The following FDPS variants were observed in gnomAD, a reference collection of about 807,000 sequenced individuals.
FDPS encodes farnesyl pyrophosphate synthase.
A neutral mutation model predicts 49.5 loss-of-function variants in FDPS; 29 were observed. The observed-to-expected ratio is 0.59, with a 90% confidence interval of 0.44 to 0.80. FDPS has a LOEUF of 0.80. FDPS is among the 30% of genes least tolerant of loss of function. The pLI, the probability that FDPS is intolerant of heterozygous loss-of-function variation, is 0.00. For missense variants in FDPS, 414 were observed against 525.6 expected (o/e 0.79, Z 2.08); for synonymous variants, 172 against 206.4 (o/e 0.83, Z 1.43).
chr1:155,313,530 T>C (rs1250524945), intron 4 of FDPS, among the ~76,000 whole-genome samples: 1 of 152,114 alleles, frequency 6.6e-6, no homozygotes, highest in East Asian at 1.9e-4. Flanking sequence ...GTTCTTGGTA[T>C]GGGTGGAGCA....
In FDPS at chr1:155,318,966, G is replaced by A; in HGVS notation, c.846+38G>A. 1 of 1,469,494 alleles carries A rather than the reference G, an allele frequency of 6.8e-7. No homozygotes were observed. The highest frequency in any genetic ancestry group is 9.5e-7 in the Non-Finnish European group (1 of 1,049,658). 91.0% of individuals were successfully genotyped at this position (1,469,494 alleles called of 1,614,324 possible). On this transcript the variant is annotated intron_variant, in intron 8 of 10. Transcript: ENST00000368356. This position sits in a 1 kb window ranked among gnomAD's most constrained non-coding sequence, Gnocchi z 4.2. The stretch of plus-strand genomic sequence containing the variant: ...CCTCACCCCTCTCTGCTCTGCTGAT[G>A]GGGGCTTTTGGACAGCAAGGCATAG...
Position 155,320,526 on chromosome 1 carries a change from G to A in FDPS, c.1177G>A (p.Ala393Thr), listed in dbSNP as rs767773031. The change falls in exon 11 of 11, where the codon GCT (alanine) becomes ACT (threonine). Residue 393 changes from alanine to threonine, a missense_variant. Ala to Thr is a moderately conservative substitution (Grantham distance 58, BLOSUM62 0). Coordinates refer to ENST00000368356, the MANE Select transcript of FDPS (RefSeq NM_002004.4). ...GGAAGACAGTTACAGCCACATTATG[G>A]CTCTCATTGAACAGTACGCAGCACC... is the stretch of plus-strand genomic sequence containing the variant. ...YEEDSYSHIM[A>T]LIEQYAAPLP... 6.2e-7 allele frequency: 1 copy of A among 1,614,134 alleles called. No individual in the cohort carries two copies. The highest frequency in any genetic ancestry group is 1.3e-5 in the African/African-American group (1 of 75,042).
chr1:155,319,866 T>G lies in FDPS; in HGVS notation c.997T>G (p.Cys333Gly). The G allele has an allele frequency of 6.2e-7, 1 of 1,614,080 alleles. No individual in the cohort carries two copies. The highest frequency in any genetic ancestry group is 8.5e-7 in the Non-Finnish European group (1 of 1,180,012). Residue 333 changes from cysteine to glycine, a missense_variant, in exon 10 of 11, where the codon TGC (cysteine) becomes GGC (glycine). Physicochemically the swap from Cys to Gly is radical, Grantham distance 159 (BLOSUM62 -3). Coordinates refer to ENST00000368356, the MANE Select transcript of FDPS (RefSeq NM_002004.4). ...TGGCACTGACATCCAGGACAACAAA[T>G]GCAGCTGGCTGGTGGTTCAGTGTCT... ...KIGTDIQDNK[C>G]SWLVVQCLQR... is the part of the protein sequence containing the mutation.
chr1:155,310,380 G>A (rs1055491672), intron 3 of FDPS, 175 bp downstream of exon 3: 3 of 595,422 alleles, frequency 5.0e-6, no homozygotes, highest in East Asian at 2.9e-5. Flanking sequence ...GTGTGATCTC[G>A]GCTTGCTGCA....
In FDPS at chr1:155,312,379, G is replaced by A. The variant is rs1048398740; in HGVS notation, c.464G>A (p.Gly155Asp). ...ADSLQRAWTVGWCVELLQAFF... is the reference protein window; with the variant it reads ...ADSLQRAWTVDWCVELLQAFF... ...AGTCTCCAGCGGGCCTGGACTGTGG[G>A]CTGGTGTGTGGAACTGGTGAGAGGG... The change falls in exon 4 of 11, where the codon GGC becomes GAC. Residue 155 changes from glycine (G) to aspartate (D), a missense_variant. By Grantham distance (94) the Gly-to-Asp change is moderately conservative (BLOSUM62 -1). Coordinates refer to ENST00000368356, the MANE Select transcript of FDPS (RefSeq NM_002004.4). The A allele has an allele frequency of 1.2e-6, 2 of 1,614,136 alleles. No homozygotes were observed. The highest frequency in any genetic ancestry group is 1.7e-5 in the Admixed American group (1 of 60,022).
intron 3 of FDPS, among the ~76,000 whole-genome samples, chr1:155,311,961 G>T (rs1163653002): frequency 1.3e-5 from 2 of 151,574 alleles, no homozygotes; most frequent in Non-Finnish European, 2.9e-5. Context: ...AACAGAGAGA[G>T]AATTCATCTC....
rs1457936501 is a variant in FDPS, at chr1:155,319,632, G to C, written c.868G>C (p.Glu290Gln). 6.2e-7 allele frequency: 1 copy of C among 1,614,096 alleles called. No homozygotes were observed. Among genetic ancestry groups the C allele is most frequent in the African/African-American group, 1.3e-5 (1 of 74,938 alleles). Residue 290 changes from glutamate (E) to glutamine (Q), a missense_variant, in exon 9 of 11, where the codon GAG becomes CAG. By Grantham distance (29) the Glu-to-Gln change is conservative (BLOSUM62 2). Transcript: ENST00000368356. ...MYMAGIDGEK[E>Q]HANAKKILLE... ...GCAGGCAGGAATTGATGGCGAGAAGGAGCACGCCAATGCCAAGAAGATCCT... is the reference window on the plus strand; with the variant it reads ...GCAGGCAGGAATTGATGGCGAGAAGCAGCACGCCAATGCCAAGAAGATCCT...
intron 4 of FDPS, among the ~76,000 whole-genome samples, chr1:155,314,388 A>G (rs556169958): frequency 6.0e-5 from 9 of 150,390 alleles, no homozygotes; most frequent in African/African-American, 2.2e-4. Context: ...CATGTTGCTG[A>G]GGCTGGTCTT....
chr1:155,318,420 A>G lies in FDPS; in HGVS notation c.684+129A>G. On this transcript the variant is annotated intron_variant, in intron 6 of 10. Transcript: ENST00000368356. The surrounding 1 kb of genome is among the most constrained non-coding windows in gnomAD (Gnocchi z 4.2). ...GCCTGGAAGGGAAAGAAAGCGAGGAAGGGTGTTGGGAAGTGGGGTTGTGGT... is the reference window on the plus strand; with the variant it reads ...GCCTGGAAGGGAAAGAAAGCGAGGAGGGGTGTTGGGAAGTGGGGTTGTGGT... 7.8e-7 allele frequency: 1 copy of G among 1,278,104 alleles called. No homozygotes were observed. The highest frequency in any genetic ancestry group is 1.1e-6 in the Non-Finnish European group (1 of 904,880). The allele number at this position is 1,278,104 out of a possible 1,614,324, so 79.2% of individuals were successfully genotyped here.
In FDPS at chr1:155,318,103, G is replaced by A. The variant is rs999731346; in HGVS notation, c.562-66G>A. The stretch of plus-strand genomic sequence containing the variant: ...ATATATGGCCTGGTTGAGGTGTTGG[G>A]GTGATGGCTCTTAGTATGAACCGAG... On this transcript the variant is annotated intron_variant, in intron 5 of 10. Coordinates refer to ENST00000368356, the MANE Select transcript of FDPS (RefSeq NM_002004.4). The surrounding 1 kb of genome is among the most constrained non-coding windows in gnomAD (Gnocchi z 4.2). 2.2e-5 allele frequency: 35 copies of A among 1,613,040 alleles called. No individual in the cohort carries two copies. In the East Asian group the frequency reaches 2.2e-4, roughly 10 times the overall value.
chr1:155,315,798 C>T lies in FDPS; in HGVS notation c.481-2143C>T, dbSNP rs187659082. ...AGGAAAATCGCTTGAACCCGGGAGGCGGAGGTTGCAGTGAGCCAAGATCGC... is the reference window on the plus strand; with the variant it reads ...AGGAAAATCGCTTGAACCCGGGAGGTGGAGGTTGCAGTGAGCCAAGATCGC... On this transcript the variant is annotated intron_variant, in intron 4 of 10. Transcript: ENST00000368356. Among the ~76,000 whole-genome samples the T allele has an allele frequency of 3.6e-3, 542 of 151,060 alleles. 3 individuals are homozygous for T. The highest frequency in any genetic ancestry group is 0.012 in the African/African-American group (508 of 41,058).
chr1:155,313,421 G>A (rs1198047388), intron 4 of FDPS, among the ~76,000 whole-genome samples: 1 of 152,206 alleles, frequency 6.6e-6, no homozygotes, highest in Non-Finnish European at 1.5e-5. Context: ...AAAGGGAAGA[G>A]CATTCAGAAC....
At position 155,318,375 on chromosome 1, in the gene FDPS, AG is replaced by A; in HGVS notation, c.684+87del. ...AGGACATGCTCATCTAGCTGGTTTC[AG>A]GGTACAGGATTGCAGCGTGCCTGGA... is the stretch of plus-strand genomic sequence containing the variant. On this transcript the variant is annotated intron_variant, in intron 6 of 10. Transcript: ENST00000368356. This position sits in a 1 kb window ranked among gnomAD's most constrained non-coding sequence, Gnocchi z 4.2. 1 of 1,557,174 alleles carries A rather than the reference AG, an allele frequency of 6.4e-7. No homozygotes were observed. The highest frequency in any genetic ancestry group is 8.7e-7 in the Non-Finnish European group (1 of 1,142,992).
chr1:155,317,576 C>CT (rs1175633007), intron 4 of FDPS: 1 of 193,220 alleles, frequency 5.2e-6, no homozygotes, highest in African/African-American at 2.4e-5. Flanking sequence ...TGCCTCATGC[C>CT]TGTAATCCCA....
At chr1:155,309,470 G>A (rs1648552176) in intron 1 of FDPS, 1 of 253,288 alleles carries the variant, frequency 3.9e-6, no homozygotes, top group Admixed American at 5.2e-5. Context: ...ATGACTTAAG[G>A]GTCCTTTCAG....
chr1:155,317,717 G>A (rs1649630676), intron 4 of FDPS: 2 of 493,598 alleles, frequency 4.1e-6, no homozygotes, highest in Non-Finnish European at 7.2e-6. Flanking sequence ...TGGGGTATGT[G>A]CCTATGGTCT....
chr1:155,313,822 G>C (rs759833931), intron 4 of FDPS, among the ~76,000 whole-genome samples: 1 of 151,868 alleles, frequency 6.6e-6, no homozygotes, highest in Admixed American at 6.6e-5. Flanking sequence ...GGTAGAATCA[G>C]TTCATTTTTT....
At chr1:155,317,369 T>A (rs1020775668) in intron 4 of FDPS, 2 of 152,976 alleles carry the variant, frequency 1.3e-5, no homozygotes, top group African/African-American at 4.8e-5. Flanking sequence ...CTAGGGCTCA[T>A]TAGAGATGTC....
intron 3 of FDPS, among the ~76,000 whole-genome samples, chr1:155,311,310 G>A (rs1459196191): frequency 1.3e-5 from 2 of 152,220 alleles, no homozygotes; most frequent in African/African-American, 4.8e-5. Flanking sequence ...CTGCACTCCA[G>A]CCTGAGTGAC....
Sources: gnomAD v4.1 joint callset for allele counts (sites outside exome capture counted in the v4.1 genomes callset) on GRCh38, gnomAD v4.1.1 for gene constraint, Gnocchi (gnomAD v3.1) non-coding constraint, MANE v1.5 for transcripts, NCBI Gene and HGNC (gene_info 2026-07-23, HGNC 2026-07-21) for gene names.